Variants in CNIH3 observed in about 807,000 individuals in gnomAD.
The protein encoded by CNIH3 is cornichon family AMPA receptor auxiliary protein 3.
CNIH3 carries 14 observed loss-of-function variants against 24.1 expected under a neutral mutation model. That is an observed-to-expected ratio of 0.58 (90% confidence interval 0.38 to 0.91). CNIH3 has a LOEUF of 0.91. Among genes scored for constraint, CNIH3 ranks in the 40% least tolerant of loss-of-function variants. CNIH3 has a pLI of 0.00. For missense variants in CNIH3, 178 were observed against 196.8 expected (o/e 0.90, Z 0.57); for synonymous variants, 68 against 73.8 (o/e 0.92, Z 0.40).
chr1:224,437,860 A>G (rs891578558), intron 1 of CNIH3, among the ~76,000 whole-genome samples: 3 of 152,158 alleles, frequency 2.0e-5, no homozygotes, highest in African/African-American at 7.2e-5. Flanking sequence ...AGGCAACTCA[A>G]GAAATAGGTG....
intron 1 of CNIH3, among the ~76,000 whole-genome samples, chr1:224,517,258 C>T (rs115561826): frequency 6.6e-6 from 1 of 152,176 alleles, no homozygotes; most frequent in South Asian, 2.1e-4. Context: ...GTTCTGCACA[C>T]CCAATAGTGT....
At chr1:224,477,917 G>A (rs903856259) in intron 1 of CNIH3, among the ~76,000 whole-genome samples, 1 of 152,030 alleles carries the variant, frequency 6.6e-6, no homozygotes, top group Non-Finnish European at 1.5e-5. Context: ...ATGTTTGAAG[G>A]ATTTTTTTTT....
chr1:224,540,635 G>A (rs966626162), downstream of CNIH3, among the ~76,000 whole-genome samples: 2 of 152,158 alleles, frequency 1.3e-5, no homozygotes, highest in Non-Finnish European at 2.9e-5. Context: ...AACTCATGCA[G>A]CCAAACCCCT....
chr1:224,660,703 C>G (rs899305741), intron 1 of CNIH3, among the ~76,000 whole-genome samples: 62 of 152,108 alleles, frequency 4.1e-4, no homozygotes, highest in Admixed American at 8.5e-4. Context: ...TTATATTAAG[C>G]CAGAAGTATA....
chr1:224,671,955 G>A (rs114023682), intron 1 of CNIH3, among the ~76,000 whole-genome samples: 2,075 of 151,960 alleles, frequency 0.014, 43 homozygotes, highest in Non-Finnish European at 0.016. Flanking sequence ...GAGACTTTAG[G>A]ACTCAAGGCT....
At chr1:224,439,328 A>T (rs1674794625) in intron 1 of CNIH3, among the ~76,000 whole-genome samples, 1 of 152,198 alleles carries the variant, frequency 6.6e-6, no homozygotes. Flanking sequence ...GTGAACAGTT[A>T]GACATATTCA....
At chr1:224,611,854 C>A (rs1266921689), upstream of CNIH3, among the ~76,000 whole-genome samples, 1 of 152,176 alleles carries the variant, frequency 6.6e-6, no homozygotes, top group Non-Finnish European at 1.5e-5. Flanking sequence ...ACCAATTAGA[C>A]TAGAAACCTT....
At chr1:224,689,487 A>G (rs1686823662) in intron 3 of CNIH3, among the ~76,000 whole-genome samples, 1 of 152,106 alleles carries the variant, frequency 6.6e-6, no homozygotes, top group African/African-American at 2.4e-5. Context: ...GAGCAGCATC[A>G]CACGGTGGGC....
At chr1:224,441,511 C>T (rs934575567) in intron 1 of CNIH3, among the ~76,000 whole-genome samples, 1 of 152,140 alleles carries the variant, frequency 6.6e-6, no homozygotes, top group Non-Finnish European at 1.5e-5. Flanking sequence ...AACAACAGGC[C>T]CTTTGGGCAG....
At chr1:224,591,711 A>G (rs536823658), downstream of CNIH3, among the ~76,000 whole-genome samples, 1 of 152,312 alleles carries the variant, frequency 6.6e-6, no homozygotes, top group East Asian at 1.9e-4. Flanking sequence ...CAGCATCCCT[A>G]GGCCTCCACC....
chr1:224,616,734 G>T lies in CNIH3; in HGVS notation c.-441G>T, dbSNP rs1683016510. 1 of 1,000,190 alleles carries T rather than the reference G, an allele frequency of 1.0e-6. No homozygotes were observed. Among genetic ancestry groups the T allele is most frequent in the Non-Finnish European group, 1.2e-6 (1 of 839,970 alleles). 62.0% of individuals were successfully genotyped at this position (1,000,190 alleles called of 1,614,324 possible). On this transcript the variant is annotated 5_prime_UTR_variant, in exon 1 of 6. Transcript: ENST00000272133. ...GGCGCGGGAGGGTCCGGAGCGGAGC[G>T]CTCGTCTCTCCTCAGCGGTTTAGTG...
intron 1 of CNIH3, among the ~76,000 whole-genome samples, chr1:224,441,407 T>C (rs974861502): frequency 1.3e-5 from 2 of 152,204 alleles, no homozygotes; most frequent in Non-Finnish European, 2.9e-5. Context: ...GGTTAAGTTC[T>C]TCTGGGGAAT....
chr1:224,579,767 CTCTT>C (rs1572516201), intron 4 of CNIH3, among the ~76,000 whole-genome samples: 1 of 152,194 alleles, frequency 6.6e-6, no homozygotes, highest in East Asian at 1.9e-4. Context: ...CCCCCCCTCT[CTCTT>C]TCTTCCTCTC....
intron 1 of CNIH3, among the ~76,000 whole-genome samples, chr1:224,500,605 G>A (rs1436638794): frequency 1.3e-5 from 2 of 152,070 alleles, no homozygotes; most frequent in Non-Finnish European, 2.9e-5. Context: ...CTCAGGGGGC[G>A]GAGGTTGCAG....
intron 3 of CNIH3, among the ~76,000 whole-genome samples, chr1:224,691,238 C>T (rs1316710339): frequency 6.6e-6 from 1 of 152,102 alleles, no homozygotes; most frequent in African/African-American, 2.4e-5. Context: ...AGATGGGGCC[C>T]TTCCCAGCTC....
At chr1:224,672,814 T>A (rs1685935071) in intron 1 of CNIH3, among the ~76,000 whole-genome samples, 1 of 152,198 alleles carries the variant, frequency 6.6e-6, no homozygotes, top group South Asian at 2.1e-4. Flanking sequence ...AAAGTGGCCC[T>A]AATACAAATA....
downstream of CNIH3, among the ~76,000 whole-genome samples, chr1:224,540,167 A>C (rs1225455122): frequency 2.0e-5 from 3 of 152,206 alleles, no homozygotes; most frequent in African/African-American, 7.2e-5. Flanking sequence ...GAAGTATCCT[A>C]CGGGCCAACT....
At chr1:224,524,495 CT>C (rs1295561523) in intron 2 of CNIH3, among the ~76,000 whole-genome samples, 1 of 152,162 alleles carries the variant, frequency 6.6e-6, no homozygotes, top group African/African-American at 2.4e-5. Flanking sequence ...TACAGATCAC[CT>C]TGATAGATAT....
intron 1 of CNIH3, among the ~76,000 whole-genome samples, chr1:224,466,920 A>G (rs980495185): frequency 4.6e-5 from 7 of 152,134 alleles, no homozygotes; most frequent in Admixed American, 4.6e-4. Flanking sequence ...CTTGCTAATT[A>G]TATTGTTTGC....
Sources: allele counts gnomAD v4.1 joint callset (sites outside exome capture counted in the v4.1 genomes callset), GRCh38; gene constraint gnomAD v4.1.1; transcripts MANE v1.5; gene names NCBI Gene and HGNC (gene_info 2026-07-23, HGNC 2026-07-21).